Variants in DOCK7 observed in about 807,000 individuals in gnomAD.
DOCK7 encodes dedicator of cytokinesis protein 7.
In DOCK7, 138 loss-of-function variants were observed where a neutral mutation model predicts 271.0. That is an observed-to-expected ratio of 0.51 (90% CI 0.44 to 0.59). DOCK7 has a LOEUF of 0.59. Ranked by LOEUF, DOCK7 falls within the 20% of genes least tolerant of loss-of-function variation. The pLI, the probability that DOCK7 is intolerant of heterozygous loss-of-function variation, is 0.00. For missense variants in DOCK7, 2,066 were observed against 2,592.4 expected (o/e 0.80, Z 4.41); for synonymous variants, 823 against 876.1 (o/e 0.94, Z 1.07).
intron 31 of DOCK7, among the ~76,000 whole-genome samples, chr1:62,526,959 T>C (rs1645028863): frequency 6.6e-6 from 1 of 152,142 alleles, no homozygotes; most frequent in South Asian, 2.1e-4. Context: ...TTTCAGCGTA[T>C]TGGAAATGTT....
intron 15 of DOCK7, chr1:62,584,901 G>C (rs1647316161): frequency 1.4e-6 from 1 of 704,864 alleles, no homozygotes; most frequent in South Asian, 1.5e-5. Context: ...CCACATATAT[G>C]ATAAGACAAG....
At chr1:62,641,702 C>G (rs560384444) in intron 7 of DOCK7, 2 of 348,398 alleles carry the variant, frequency 5.7e-6, no homozygotes, top group South Asian at 4.7e-5. Flanking sequence ...CCTCATGCAC[C>G]AGGGCCTTCC....
At chr1:62,530,962 C>T (rs1168014) in intron 29 of DOCK7, 148,696 of 152,348 alleles carry the variant, frequency 0.98, 72,673 homozygotes, top group Middle Eastern at 1. Flanking sequence ...TTCCCTTTTA[C>T]TGACTAGTGG....
At position 62,457,671 on chromosome 1, in the gene DOCK7, T is replaced by C. The variant is rs367781797; in HGVS notation, c.6247A>G (p.Ile2083Val). 2 of 1,613,832 alleles carry C rather than the reference T, an allele frequency of 1.2e-6. No individual in the cohort carries two copies. Among genetic ancestry groups the C allele is most frequent in the African/African-American group, 2.7e-5 (2 of 75,012 alleles). Reference sequence around the variant, plus strand: ...TGATACTCCTTTTGATCCGGCCCAATTAAGCTCTTATTTTTTCTTAAGGCA... The same window carrying C: ...TGATACTCCTTTTGATCCGGCCCAACTAAGCTCTTATTTTTTCTTAAGGCA... ...EDALRKNKSL[I>V]GPDQKEYQRE... The change falls in exon 49 of 50, where the codon ATT (isoleucine) becomes GTT (valine). Residue 2083 changes from isoleucine (I) to valine (V), a missense_variant. This residue lies in a region of DOCK7 where 652 missense variants were observed against 922.1 expected (regional missense o/e 0.71). Coordinates refer to ENST00000635253, the MANE Select transcript of DOCK7 (RefSeq NM_001367561.1).
At chr1:62,666,120 C>T (rs1449530166) in intron 1 of DOCK7, among the ~76,000 whole-genome samples, 1 of 152,108 alleles carries the variant, frequency 6.6e-6, no homozygotes, top group Non-Finnish European at 1.5e-5. Context: ...GCTGAGATTG[C>T]ACCACTGCAC....
Position 62,688,322 on chromosome 1 carries a change from C to G in DOCK7, c.-58G>C, listed in dbSNP as rs796388450. On this transcript the variant is annotated 5_prime_UTR_variant, in exon 1 of 50. Transcript: ENST00000635253. ...CTGCGGCGGGCCGGGTGCGGACCGG[C>G]GGGCGCGTGCCTCCTCGCTCGTGCT... 8.3e-4 allele frequency: 932 copies of G among 1,126,896 alleles called. 9 individuals carry two copies. In the African/African-American group the frequency reaches 0.013, roughly 16 times the overall value. 69.8% of individuals were successfully genotyped at this position (1,126,896 alleles called of 1,614,324 possible).
intron 18 of DOCK7, among the ~76,000 whole-genome samples, chr1:62,575,605 A>G (rs1646921218): frequency 6.6e-6 from 1 of 152,212 alleles, no homozygotes; most frequent in Admixed American, 6.5e-5. Flanking sequence ...TAGGGAGTCA[A>G]AAGTTATACG....
chr1:62,603,718 A>G (rs1179243840), intron 14 of DOCK7, among the ~76,000 whole-genome samples: 2 of 151,986 alleles, frequency 1.3e-5, no homozygotes, highest in South Asian at 2.1e-4. Flanking sequence ...CTGGTGAAAC[A>G]TGTCTTGTCA....
At chr1:62,464,613 T>A (rs1571186633) in intron 48 of DOCK7, among the ~76,000 whole-genome samples, 1 of 150,928 alleles carries the variant, frequency 6.6e-6, no homozygotes, top group African/African-American at 2.4e-5. Flanking sequence ...ACCCGGGAGG[T>A]AGAGGTTGCA....
intron 14 of DOCK7, among the ~76,000 whole-genome samples, chr1:62,617,678 AG>A (rs770447397): frequency 2.0e-5 from 3 of 152,174 alleles, no homozygotes; most frequent in South Asian, 2.1e-4. Context: ...ATAATACTTT[AG>A]ATACACTGGT....
chr1:62,470,272 T>C (rs1459375132), intron 48 of DOCK7, among the ~76,000 whole-genome samples: 2 of 152,200 alleles, frequency 1.3e-5, no homozygotes, highest in African/African-American at 4.8e-5. Flanking sequence ...CAGCAACCTG[T>C]ACGGGATTAG....
intron 18 of DOCK7, among the ~76,000 whole-genome samples, chr1:62,572,984 A>G (rs1329119655): frequency 6.6e-6 from 1 of 152,202 alleles, no homozygotes; most frequent in Non-Finnish European, 1.5e-5. Flanking sequence ...TAACTTTGCT[A>G]AATTTGGTAT....
intron 1 of DOCK7, among the ~76,000 whole-genome samples, chr1:62,674,651 T>C (rs1009234218): frequency 3.3e-5 from 5 of 152,228 alleles, no homozygotes; most frequent in South Asian, 2.1e-4. Context: ...AAATGAACTC[T>C]TACATTTATG....
chr1:62,680,908 G>A (rs1661048425), intron 1 of DOCK7, among the ~76,000 whole-genome samples: 1 of 152,228 alleles, frequency 6.6e-6, no homozygotes, highest in South Asian at 2.1e-4. Flanking sequence ...AGGATGTGGA[G>A]AAATAGGAAC....
chr1:62,520,206 C>T (rs1644804321), intron 31 of DOCK7, among the ~76,000 whole-genome samples: 1 of 152,146 alleles, frequency 6.6e-6, no homozygotes, highest in South Asian at 2.1e-4. Context: ...CACTTCATGA[C>T]TAAAACACCA....
chr1:62,539,611 G>T lies in DOCK7; in HGVS notation c.3234C>A (p.Leu1078=). 1 of 1,613,898 alleles carries T rather than the reference G, an allele frequency of 6.2e-7. No individual in the cohort carries two copies. The highest frequency in any genetic ancestry group is 1.7e-5 in the Admixed American group (1 of 60,000). The change falls in exon 27 of 50, where the codon CTC becomes CTA. Residue 1078 remains leucine (L), a synonymous_variant. Transcript: ENST00000635253. ...TGTCCATAACAGACAACAGATCATT[G>T]AGAAAGAATGCAAGGCTTGTATTGA... ...ERLNTSLAFF[L]NDLLSVMDRG...
chr1:62,521,959 C>T (rs1250112733), intron 31 of DOCK7, among the ~76,000 whole-genome samples: 1 of 151,780 alleles, frequency 6.6e-6, no homozygotes, highest in Non-Finnish European at 1.5e-5. Context: ...CTGTGTGATA[C>T]AGCGAGATAT....
At chr1:62,620,581 A>T (rs1243009261) in intron 12 of DOCK7, among the ~76,000 whole-genome samples, 1 of 151,906 alleles carries the variant, frequency 6.6e-6, no homozygotes, top group African/African-American at 2.4e-5. Context: ...CAAATATAGA[A>T]AACCAATACA....
At chr1:62,653,313 C>G (rs1245365830) in intron 4 of DOCK7, among the ~76,000 whole-genome samples, 1 of 152,228 alleles carries the variant, frequency 6.6e-6, no homozygotes, top group Non-Finnish European at 1.5e-5. Flanking sequence ...TAGTTAGAAA[C>G]AGCAGAGACC....
Sources: allele counts gnomAD v4.1 joint callset (sites outside exome capture counted in the v4.1 genomes callset), GRCh38; gene constraint gnomAD v4.1.1; regional missense constraint gnomAD v4.1.1; transcripts MANE v1.5; gene names NCBI Gene and HGNC (gene_info 2026-07-23, HGNC 2026-07-21).